Variants in ARHGEF11 observed in about 807,000 individuals in gnomAD.
The protein encoded by ARHGEF11 is Rho guanine exchange factor (GEF) 11.
Under a neutral mutation model 193.7 loss-of-function variants are expected in ARHGEF11, and 55 were observed. The ratio of observed to expected loss-of-function variants is 0.28; its 90% confidence interval spans 0.23 to 0.36. The LOEUF is 0.36. ARHGEF11 is among the 10% of genes least tolerant of loss of function. The pLI, the probability that ARHGEF11 is intolerant of heterozygous loss-of-function variation, is 1.00. For missense variants in ARHGEF11, 1,723 were observed against 2,005.6 expected (o/e 0.86, Z 2.69); for synonymous variants, 693 against 768.0 (o/e 0.90, Z 1.62).
At chr1:156,979,479 C>A (rs1174377628) in intron 4 of ARHGEF11, among the ~76,000 whole-genome samples, 193 bp from the exon 5 acceptor site, 1 of 151,340 alleles carries the variant, frequency 6.6e-6, no homozygotes, top group Admixed American at 6.6e-5. Context: ...ATTCTCCTGC[C>A]TCAGCCTCCT....
In ARHGEF11 at chr1:156,948,936, G is replaced by C. The variant is rs1658656261; in HGVS notation, c.1926-438C>G. 1 of 985,358 alleles carries C rather than the reference G, an allele frequency of 1.0e-6. No individual in the cohort carries two copies. The highest frequency in any genetic ancestry group is 1.7e-5 in the African/African-American group (1 of 57,324). 61.0% of individuals were successfully genotyped at this position (985,358 alleles called of 1,614,324 possible). A position where few individuals can be genotyped will look rare whatever the true frequency, so the allele number is the denominator to read the frequency against. On this transcript the variant is annotated intron_variant, in intron 22 of 40. Coordinates refer to ENST00000368194, the MANE Select transcript of ARHGEF11 (RefSeq NM_198236.3). The surrounding 1 kb of genome is among the most constrained non-coding windows in gnomAD (Gnocchi z 4.2). ...TTCACGTTGCCTCTGCTTTGGAACG[G>C]GTCAGCTCCCACCTTTAACTCTGCC...
intron 14 of ARHGEF11, 68 bp from the exon 15 acceptor site, chr1:156,960,528 A>C (rs1420378873): frequency 1.3e-6 from 2 of 1,485,202 alleles, no homozygotes; most frequent in Middle Eastern, 1.7e-4. Context: ...GCAGTGTGCA[A>C]GGCGAGGAGG....
intron 1 of ARHGEF11, among the ~76,000 whole-genome samples, chr1:157,014,855 C>A (rs2102833582): frequency 6.6e-6 from 1 of 152,296 alleles, no homozygotes; most frequent in East Asian, 1.9e-4. Flanking sequence ...TTATCCTACC[C>A]TTCCTTCTTA....
chr1:157,008,406 GCACACACA>G (rs60934928), intron 1 of ARHGEF11, among the ~76,000 whole-genome samples: 60 of 149,214 alleles, frequency 4.0e-4, no homozygotes, highest in Non-Finnish European at 7.6e-4. Flanking sequence ...TTGCACGCAC[GCACACACA>G]CACACACACA....
intron 1 of ARHGEF11, among the ~76,000 whole-genome samples, chr1:156,998,916 C>T (rs548859344): frequency 1.3e-5 from 2 of 152,220 alleles, no homozygotes; most frequent in Non-Finnish European, 2.9e-5. Flanking sequence ...CTGCCATTTA[C>T]TAGCTGTGCA....
chr1:156,961,751 A>G lies in ARHGEF11; in HGVS notation c.1165T>C (p.Tyr389His). The G allele has an allele frequency of 4.3e-6, 7 of 1,614,200 alleles. No individual in the cohort carries two copies. The highest frequency in any genetic ancestry group is 5.9e-6 in the Non-Finnish European group (7 of 1,180,022). The part of the protein sequence containing the change: ...PLLFYLCAEV[Y>H]QQASPKDSRS... ...GAATCCTTGGGGCTTGCCTGCTGAT[A>G]AACTTCTGCACACAGGTAAAAAAGC... Residue 389 changes from tyrosine to histidine, a missense_variant, in exon 14 of 41, where the codon TAT (tyrosine) becomes CAT (histidine). Tyr to His is a moderately conservative substitution (Grantham distance 83). Coordinates refer to ENST00000368194, the MANE Select transcript of ARHGEF11 (RefSeq NM_198236.3).
intron 1 of ARHGEF11, among the ~76,000 whole-genome samples, chr1:156,988,849 C>T (rs1184718336): frequency 2.0e-5 from 3 of 151,942 alleles, no homozygotes; most frequent in Admixed American, 2.0e-4. Context: ...TACCATTGAA[C>T]TGAAGGAGGA....
chr1:157,043,442 T>A (rs571079183), intron 1 of ARHGEF11, among the ~76,000 whole-genome samples: 1 of 152,120 alleles, frequency 6.6e-6, no homozygotes, highest in Non-Finnish European at 1.5e-5. Flanking sequence ...GAGGTAAGAA[T>A]TGCAACCACA....
chr1:156,947,208 G>T, intron 26 of ARHGEF11, 96 bp downstream of exon 26: 1 of 1,521,706 alleles, frequency 6.6e-7, no homozygotes, highest in African/African-American at 1.4e-5. Context: ...TTGGTGGGAG[G>T]TTACCTACTC....
At chr1:156,974,058 T>TTTTTTC (rs549043085) in intron 7 of ARHGEF11, among the ~76,000 whole-genome samples, 3 of 152,042 alleles carry the variant, frequency 2.0e-5, no homozygotes, top group Non-Finnish European at 4.4e-5. Flanking sequence ...ACTCACTGCA[T>TTTTTTC]TTTTTCTTTT....
intron 1 of ARHGEF11, among the ~76,000 whole-genome samples, chr1:157,031,835 T>C (rs903673063): frequency 6.6e-6 from 1 of 152,184 alleles, no homozygotes; most frequent in African/African-American, 2.4e-5. Flanking sequence ...TGTGGAAGCA[T>C]GTTCTGGAGC....
intron 1 of ARHGEF11, among the ~76,000 whole-genome samples, chr1:157,011,161 G>A (rs1245995183): frequency 2.6e-5 from 4 of 152,108 alleles, no homozygotes; most frequent in Admixed American, 2.6e-4. Context: ...CAATAAAACA[G>A]AACATCCAGA....
intron 7 of ARHGEF11, among the ~76,000 whole-genome samples, chr1:156,976,537 G>T (rs1401132030): frequency 6.6e-6 from 1 of 152,084 alleles, no homozygotes; most frequent in Admixed American, 6.5e-5. Flanking sequence ...ATAGGAATCT[G>T]GTTATTCCAC....
At chr1:157,006,252 A>G (rs1571461520) in intron 1 of ARHGEF11, among the ~76,000 whole-genome samples, 1 of 152,172 alleles carries the variant, frequency 6.6e-6, no homozygotes, top group Non-Finnish European at 1.5e-5. Flanking sequence ...GATTATAGAC[A>G]TGAGCTACTG....
At chr1:157,038,928 A>G (rs1672398032) in intron 1 of ARHGEF11, among the ~76,000 whole-genome samples, 1 of 152,118 alleles carries the variant, frequency 6.6e-6, no homozygotes, top group South Asian at 2.1e-4. Context: ...CTGAAGTGGG[A>G]GGACCACCTG....
intron 21 of ARHGEF11, among the ~76,000 whole-genome samples, chr1:156,954,380 CAAAAAAAAAAAAAAAAAAAAAAA>C (rs559848711): frequency 4.8e-4 from 36 of 75,164 alleles, no homozygotes; most frequent in Non-Finnish European, 5.5e-4. Context: ...ACTGTGTCTC[CAAAAAAAAAAAAAAAAAAAAAAA>C]AAAAAAAAAA....
intron 7 of ARHGEF11, among the ~76,000 whole-genome samples, chr1:156,972,096 C>T (rs955208761): frequency 6.6e-6 from 1 of 152,214 alleles, no homozygotes; most frequent in African/African-American, 2.4e-5. Flanking sequence ...TGCCTTAAGT[C>T]CCACATCCCA....
At position 156,937,286 on chromosome 1, in the gene ARHGEF11, G is replaced by T. The variant is rs767842383; in HGVS notation, c.4403C>A (p.Thr1468Asn). The T allele has an allele frequency of 1.2e-6, 2 of 1,613,870 alleles. No homozygotes were observed. Among genetic ancestry groups the T allele is most frequent in the African/African-American group, 1.3e-5 (1 of 74,884 alleles). ...ALRDVGMIFH[T>N]IEQLTLKLNR... The stretch of plus-strand genomic sequence containing the variant: ...GAGCTTGAGAGTGAGCTGCTCAATG[G>T]TATGGAAGATCATGCCCACGTCCCT... The change falls in exon 39 of 41, where the codon ACC becomes AAC. Residue 1468 changes from threonine to asparagine, a missense_variant. Thr to Asn is a moderately conservative substitution (Grantham distance 65, BLOSUM62 0). This residue lies in a region of ARHGEF11 where 360 missense variants were observed against 344.4 expected (regional missense o/e 1.05). Coordinates refer to ENST00000368194, the MANE Select transcript of ARHGEF11 (RefSeq NM_198236.3).
rs774239350 is a variant in ARHGEF11, at chr1:156,946,170, G to A, written c.2695-8C>T. ...AGGGTGGCTCTCAGCCTCCTAGACA[G>A]CAGGAGACACAGAAGGGAGGAGATG... is the stretch of plus-strand genomic sequence containing the variant. On this transcript the variant is annotated splice_region_variant and splice_polypyrimidine_tract_variant and intron_variant, in intron 28 of 40. Transcript: ENST00000368194. The A allele has an allele frequency of 6.2e-7, 1 of 1,611,290 alleles. No homozygotes were observed. The highest frequency in any genetic ancestry group is 8.5e-7 in the Non-Finnish European group (1 of 1,178,604).
Sources: allele counts gnomAD v4.1 joint callset (sites outside exome capture counted in the v4.1 genomes callset), GRCh38; gene constraint gnomAD v4.1.1; regional missense constraint gnomAD v4.1.1; non-coding constraint Gnocchi (gnomAD v3.1); transcripts MANE v1.5; gene names NCBI Gene and HGNC (gene_info 2026-07-23, HGNC 2026-07-21).